The following DCAF8L2 variants were observed in gnomAD, a reference collection of about 807,000 sequenced individuals.
DCAF8L2 encodes DDB1- and CUL4-associated factor 8-like protein 2.
For synonymous variants in DCAF8L2, 200 were observed against 190.9 expected, an observed-to-expected ratio of 1.05 and a Z score of -0.39; for missense variants, 430 against 490.7, an observed-to-expected ratio of 0.88 and a Z score of 1.17.
At chrX:27,524,779 C>T in the DCAF8L2 span, among the ~76,000 whole-genome samples, 49 of 111,442 alleles carry the variant, frequency 4.4e-4, no homozygotes, top group Non-Finnish European at 1.1e-4. Context: ...GCCTTCATTT[C>T]GTTATGTACC....
upstream of DCAF8L2, among the ~76,000 whole-genome samples, chrX:27,587,997 T>A (rs867981686): frequency 0.026 from 2,520 of 97,498 alleles, 38 homozygotes; most frequent in East Asian, 0.062. Flanking sequence ...TATATATATA[T>A]ATATATATAT....
At chrX:27,654,714 T>G (rs1929285521) in intron 2 of DCAF8L2, among the ~76,000 whole-genome samples, 1 of 111,572 alleles carries the variant, frequency 9.0e-6, no homozygotes, top group South Asian at 3.7e-4. Context: ...AGAAAAAAAT[T>G]TAAAATTGTT....
At chrX:27,490,427 T>G in the DCAF8L2 span, among the ~76,000 whole-genome samples, 1 of 110,329 alleles carries the variant, frequency 9.1e-6, no homozygotes, top group South Asian at 3.7e-4. Context: ...ATTTTAGGTT[T>G]TTTTGTTTGT....
chrX:27,547,118 G>T, the DCAF8L2 span, among the ~76,000 whole-genome samples: 2 of 111,681 alleles, frequency 1.8e-5, no homozygotes, highest in African/African-American at 3.3e-5. Flanking sequence ...CAGATCTCTA[G>T]GGCAGGGGCA....
chrX:27,693,924 G>A (rs1930800166), intron 3 of DCAF8L2, among the ~76,000 whole-genome samples: 1 of 111,580 alleles, frequency 9.0e-6, no homozygotes, highest in East Asian at 2.8e-4. Context: ...GTTCATCACA[G>A]CACTATTCAC....
At chrX:27,650,451 A>G (rs1465454195) in intron 2 of DCAF8L2, among the ~76,000 whole-genome samples, 1 of 112,051 alleles carries the variant, frequency 8.9e-6, no homozygotes, top group African/African-American at 3.2e-5. Flanking sequence ...TTTCCATTTG[A>G]CTGTGTCATC....
the DCAF8L2 span, among the ~76,000 whole-genome samples, chrX:27,501,608 C>G: frequency 9.0e-6 from 1 of 111,088 alleles, no homozygotes; most frequent in South Asian, 3.8e-4. Flanking sequence ...GCTCTTTAAT[C>G]GCTTCCTGTG....
chrX:27,742,285 C>G (rs187303866), intron 4 of DCAF8L2, among the ~76,000 whole-genome samples: 1 of 111,433 alleles, frequency 9.0e-6, no homozygotes. Context: ...GAAAACAACT[C>G]TAGCCAGGCA....
chrX:27,540,966 A>G, the DCAF8L2 span, among the ~76,000 whole-genome samples: 1 of 112,236 alleles, frequency 8.9e-6, no homozygotes, highest in Non-Finnish European at 1.9e-5. Flanking sequence ...GAACCAGGGA[A>G]CAGATATCCA....
the DCAF8L2 span, among the ~76,000 whole-genome samples, chrX:27,573,252 T>A: frequency 1.1e-5 from 1 of 88,494 alleles, no homozygotes; most frequent in Admixed American, 1.3e-4. Context: ...TCTCTCTCTC[T>A]CTCACACACA....
the DCAF8L2 span, among the ~76,000 whole-genome samples, chrX:27,559,648 G>A: frequency 1.8e-5 from 2 of 111,824 alleles, no homozygotes; most frequent in African/African-American, 3.3e-5. Context: ...CATCGTTCAC[G>A]TGGCCATAGT....
chrX:27,476,071 A>G, the DCAF8L2 span, among the ~76,000 whole-genome samples: 1 of 111,315 alleles, frequency 9.0e-6, no homozygotes, highest in African/African-American at 3.3e-5. Context: ...AAGCATAATA[A>G]TTAGTATTAC....
chrX:27,698,076 A>AT (rs1418333638), intron 3 of DCAF8L2, among the ~76,000 whole-genome samples: 1 of 109,438 alleles, frequency 9.1e-6, no homozygotes, highest in East Asian at 2.8e-4. Flanking sequence ...TGCAGGATAC[A>AT]TTTTTCCCAG....
the DCAF8L2 span, among the ~76,000 whole-genome samples, chrX:27,493,706 C>CAAAAAAAAAAAAA: frequency 5.4e-5 from 1 of 18,382 alleles, no homozygotes; most frequent in Non-Finnish European, 1.3e-4. Flanking sequence ...AACTCCATCT[C>CAAAAAAAAAAAAA]AAAAAAAAAA....
At chrX:27,741,327 C>T (rs1921831350) in intron 4 of DCAF8L2, among the ~76,000 whole-genome samples, 1 of 110,719 alleles carries the variant, frequency 9.0e-6, no homozygotes, top group Non-Finnish European at 1.9e-5. Context: ...AGAGCCACTG[C>T]CGCTCTCCCT....
chrX:27,639,051 C>T (rs949231898), intron 2 of DCAF8L2, among the ~76,000 whole-genome samples: 5 of 112,131 alleles, frequency 4.5e-5, no homozygotes, highest in East Asian at 2.8e-4. Context: ...TAGTCTTGAA[C>T]TTATATCATC....
In DCAF8L2 at chrX:27,614,532, T is replaced by C. The variant is rs189511444; in HGVS notation, c.-341-17347T>C. ...TTTGCTCTTGCTTCTCTAGTTCTTT[T>C]AATTGTGATGTTAGGGTGTTGATTT... On this transcript the variant is annotated intron_variant, in intron 1 of 4. Coordinates refer to ENST00000451261, the MANE Select transcript of DCAF8L2 (RefSeq NM_001353450.2). Among the ~76,000 whole-genome samples, 448 of 111,711 alleles carry C rather than the reference T, an allele frequency of 4.0e-3. 1 individual carries two copies. Among genetic ancestry groups the C allele is most frequent in the African/African-American group, 0.014 (418 of 30,723 alleles).
the DCAF8L2 span, among the ~76,000 whole-genome samples, chrX:27,498,172 A>G: frequency 3.6e-5 from 4 of 112,332 alleles, no homozygotes; most frequent in Admixed American, 3.8e-4. Flanking sequence ...ACCTTGCTCA[A>G]TTCTTTTGGG....
intron 4 of DCAF8L2, among the ~76,000 whole-genome samples, chrX:27,723,547 A>G (rs928011552): frequency 9.0e-6 from 1 of 111,642 alleles, no homozygotes; most frequent in Admixed American, 9.6e-5. Flanking sequence ...CTTACCTATC[A>G]TATTCCAAAT....
Sources: gnomAD v4.1 joint callset for allele counts (sites outside exome capture counted in the v4.1 genomes callset) on GRCh38, gnomAD v4.1.1 for gene constraint, MANE v1.5 for transcripts, NCBI Gene and HGNC (gene_info 2026-07-23, HGNC 2026-07-21) for gene names.